The following IREB2 variants were observed in gnomAD, a reference collection of about 807,000 sequenced individuals.
IREB2 encodes the protein iron-responsive element-binding protein 2.
Under a neutral mutation model 118.8 loss-of-function variants are expected in IREB2, and 39 were observed. The ratio of observed to expected loss-of-function variants is 0.33; its 90% CI spans 0.25 to 0.43. IREB2 has a LOEUF of 0.43. Ranked by LOEUF, IREB2 falls within the 20% of genes least tolerant of loss-of-function variation. The pLI, the probability that IREB2 is intolerant of heterozygous loss-of-function variation, is 1.00. For synonymous variants in IREB2, 372 were observed against 392.2 expected, an observed-to-expected ratio of 0.95 and a Z score of 0.61; for missense variants, 900 against 1,147.3, an observed-to-expected ratio of 0.78 and a Z score of 3.11.
chr15:78,485,961 A>G (rs1360864416), intron 13 of IREB2, 121 bp downstream of exon 13: 1 of 826,404 alleles, frequency 1.2e-6, no homozygotes, highest in African/African-American at 1.7e-5. Context: ...TTTACTTGCT[A>G]CCTTGCCATT....
At chr15:78,470,479 G>A in intron 5 of IREB2, 53 bp from the exon 6 acceptor site, 8 of 1,142,434 alleles carry the variant, frequency 7.0e-6, no homozygotes, top group Non-Finnish European at 8.9e-6. Flanking sequence ...AAAGAAACAA[G>A]GCAAGTCTTT....
At chr15:78,450,126 T>C (rs1196950073) in intron 2 of IREB2, among the ~76,000 whole-genome samples, 1 of 152,214 alleles carries the variant, frequency 6.6e-6, no homozygotes, top group East Asian at 1.9e-4. Flanking sequence ...CTTGTATATT[T>C]CTAGCAAATG....
At position 78,499,562 on chromosome 15, in the gene IREB2, C is replaced by G. The variant is rs2051903618; in HGVS notation, c.*1419C>G. On this transcript the variant is annotated 3_prime_UTR_variant, in exon 22 of 22. Transcript: ENST00000258886. ...GATGAAGACCACTAAGAACTTTGCA[C>G]ATAATCATACAATCTTTTGAAAATA... 1 of 152,174 alleles carries G rather than the reference C, an allele frequency of 6.6e-6. No homozygotes were observed. Among genetic ancestry groups the G allele is most frequent in the Non-Finnish European group, 1.5e-5 (1 of 68,036 alleles). The allele number at this position is 152,174 out of a possible 1,614,324, so 9.4% of individuals were successfully genotyped here. A position where few individuals can be genotyped will look rare whatever the true frequency, so the allele number is the denominator to read the frequency against.
chr15:78,478,048 C>T (rs1342282055), intron 9 of IREB2, among the ~76,000 whole-genome samples: 1 of 150,834 alleles, frequency 6.6e-6, no homozygotes, highest in African/African-American at 2.4e-5. Context: ...AAAAACAAGA[C>T]CCTCCCGCCA....
At position 78,488,351 on chromosome 15, in the gene IREB2, A is replaced by G; in HGVS notation, c.1951+15A>G. ...AGAACCTTTAGGTATCTTTTCCTTT[A>G]TGTATATGTATACCTACACATACTT... On this transcript the variant is annotated intron_variant, in intron 15 of 21. Transcript: ENST00000258886. 4 of 1,559,150 alleles carry G rather than the reference A, an allele frequency of 2.6e-6. No individual in the cohort carries two copies. Among genetic ancestry groups the G allele is most frequent in the Non-Finnish European group, 8.6e-7 (1 of 1,156,612 alleles).
intron 15 of IREB2, 100 bp downstream of exon 15, chr15:78,488,436 A>C: frequency 9.0e-7 from 1 of 1,111,422 alleles, no homozygotes; most frequent in South Asian, 1.7e-5. Context: ...TCTTTGAATT[A>C]TTTCAGGAAG....
intron 2 of IREB2, among the ~76,000 whole-genome samples, chr15:78,456,605 G>A (rs750787887): frequency 1.3e-5 from 2 of 151,674 alleles, no homozygotes; most frequent in Non-Finnish European, 2.9e-5. Context: ...GGTCAAGGGT[G>A]TAGTGAGCCA....
At chr15:78,480,561 G>A (rs2051550092) in intron 10 of IREB2, among the ~76,000 whole-genome samples, 1 of 151,398 alleles carries the variant, frequency 6.6e-6, no homozygotes, top group Non-Finnish European at 1.5e-5. Flanking sequence ...TGGTGGTGGG[G>A]GCCTGTAATC....
At chr15:78,438,605 G>T (rs2050793315) in intron 1 of IREB2, 1 of 510,584 alleles carries the variant, frequency 2.0e-6, no homozygotes, top group Non-Finnish European at 3.5e-6. Context: ...GCCTTGACCC[G>T]CACCCCTCTC....
rs963913095 is a variant in IREB2, at chr15:78,499,970, A to C, written c.*1827A>C. The stretch of plus-strand genomic sequence containing the variant: ...CGGGTTCAGGGGATTCTCCTGCCTC[A>C]GCCTCCTGAGTAGCTGGGACTACAA... On this transcript the variant is annotated 3_prime_UTR_variant, in exon 22 of 22. Coordinates refer to ENST00000258886, the MANE Select transcript of IREB2 (RefSeq NM_004136.4). 6.6e-6 allele frequency: 1 copy of C among 152,522 alleles called. No individual in the cohort carries two copies. The highest frequency in any genetic ancestry group is 1.5e-5 in the Non-Finnish European group (1 of 68,300). The allele number at this position is 152,522 out of a possible 1,614,324, so 9.4% of individuals were successfully genotyped here. A position where few individuals can be genotyped will look rare whatever the true frequency, so the allele number is the denominator to read the frequency against.
Position 78,478,290 on chromosome 15 carries a change from GT to G in IREB2, c.1196-3del. The G allele has an allele frequency of 6.3e-7, 1 of 1,577,256 alleles. No individual in the cohort carries two copies. The highest frequency in any genetic ancestry group is 8.7e-7 in the Non-Finnish European group (1 of 1,148,694). ...GCATTTTGTTGTTTTGTTCATCTTC[GT>G]TTTAGGTTTTAGCAAAGCCAAACTC... On this transcript the variant is annotated splice_polypyrimidine_tract_variant and splice_region_variant and intron_variant, in intron 9 of 21. Transcript: ENST00000258886.
chr15:78,495,748 G>T (rs907644084), intron 20 of IREB2, among the ~76,000 whole-genome samples: 2 of 151,950 alleles, frequency 1.3e-5, no homozygotes, highest in Non-Finnish European at 2.9e-5. Flanking sequence ...GTCCTCAGGT[G>T]GTAAAAAAAA....
chr15:78,488,290 T>C lies in IREB2; in HGVS notation c.1905T>C (p.Tyr635=), dbSNP rs1354906773. 2.5e-6 allele frequency: 4 copies of C among 1,609,960 alleles called. No individual in the cohort carries two copies. The highest frequency in any genetic ancestry group is 3.4e-6 in the Non-Finnish European group (4 of 1,178,838). Residue 635 remains tyrosine, a synonymous_variant, in exon 15 of 22, where the codon TAT becomes TAC. Transcript: ENST00000258886. ...CCTCTCCACCCTTAGTGGTAGCTTA[T>C]GCCATAGCAGGCACAGTGAATATAG... ...YLASPPLVVA[Y]AIAGTVNIDF...
At chr15:78,476,910 A>G (rs1218485098) in intron 9 of IREB2, among the ~76,000 whole-genome samples, 12 of 152,204 alleles carry the variant, frequency 7.9e-5, no homozygotes, top group Admixed American at 7.2e-4. Context: ...AGATATGTTG[A>G]TATTTCATAA....
intron 8 of IREB2, chr15:78,475,546 ACT>A (rs2051454356): frequency 6.6e-6 from 1 of 152,124 alleles, no homozygotes; most frequent in Non-Finnish European, 1.5e-5. Context: ...AGCAAACACC[ACT>A]GTTTTATGCA....
chr15:78,473,494 A>G (rs770345278), intron 8 of IREB2, 113 bp downstream of exon 8: 8 of 733,344 alleles, frequency 1.1e-5, no homozygotes, highest in Non-Finnish European at 1.6e-5. Context: ...AGGTCTCTTG[A>G]CGTTAGCCAC....
chr15:78,454,169 C>T (rs1428088376), intron 2 of IREB2, among the ~76,000 whole-genome samples: 1 of 152,146 alleles, frequency 6.6e-6, no homozygotes, highest in African/African-American at 2.4e-5. Context: ...CCACGTAGCC[C>T]AGCAATATCA....
chr15:78,441,569 G>A (rs1277093488), intron 2 of IREB2, among the ~76,000 whole-genome samples: 2 of 152,164 alleles, frequency 1.3e-5, no homozygotes, highest in East Asian at 3.9e-4. Flanking sequence ...TACTTTCTGT[G>A]TATAATCTGT....
At chr15:78,476,389 CAT>C (rs751288113) in intron 9 of IREB2, 30 bp downstream of exon 9, 4 of 1,425,142 alleles carry the variant, frequency 2.8e-6, no homozygotes, top group Non-Finnish European at 3.9e-6. Context: ...CTAGAATAAA[CAT>C]GTTACATTTC....
Sources: allele counts gnomAD v4.1 joint callset (sites outside exome capture counted in the v4.1 genomes callset), GRCh38; gene constraint gnomAD v4.1.1; transcripts MANE v1.5; gene names NCBI Gene and HGNC (gene_info 2026-07-23, HGNC 2026-07-21).